The following GRID2IP variants were observed in gnomAD, a reference collection of about 807,000 sequenced individuals.
The protein encoded by GRID2IP is delphilin.
Under a neutral mutation model 114.3 loss-of-function variants are expected in GRID2IP, and 78 were observed. The ratio of observed to expected loss-of-function variants is 0.68; its 90% CI spans 0.57 to 0.82. The LOEUF (loss-of-function observed/expected upper bound fraction) is 0.82, where lower values mean the gene tolerates loss of function less well. Among genes scored for constraint, GRID2IP ranks in the 40% least tolerant of loss-of-function variants. The probability of loss-of-function intolerance (pLI) is 0.00; values close to 1 mark genes in which losing one functional copy is unlikely to be tolerated. For synonymous variants in GRID2IP, 809 were observed against 724.0 expected, an observed-to-expected ratio of 1.12 and a Z score of -1.89; for missense variants, 1,727 against 1,678.5, an observed-to-expected ratio of 1.03 and a Z score of -0.51.
At chr7:6,535,618 C>A (rs1779711814) in intron 2 of GRID2IP, among the ~76,000 whole-genome samples, 1 of 152,220 alleles carries the variant, frequency 6.6e-6, no homozygotes, top group African/African-American at 2.4e-5. Flanking sequence ...GTAATCCCAG[C>A]ACTTTGGGAG....
At position 6,501,833 on chromosome 7, in the gene GRID2IP, G is replaced by C; in HGVS notation, c.3347C>G (p.Ala1116Gly). The C allele has an allele frequency of 6.4e-7, 1 of 1,551,514 alleles. No homozygotes were observed. Among genetic ancestry groups the C allele is most frequent in the Non-Finnish European group, 8.7e-7 (1 of 1,146,972 alleles). Residue 1116 changes from alanine to glycine, a missense_variant, in exon 20 of 22, where the codon GCC (alanine) becomes GGC (glycine). Transcript: ENST00000457091. Reference protein sequence around the residue: ...LHGTISEIQDACQSISPSSED... With the variant: ...LHGTISEIQDGCQSISPSSED... ...GCTAGAGGGGGAAATGCTCTGGCAGGCATCCTGTATCTCGCTGATAGTGCC... is the reference window on the plus strand; with the variant it reads ...GCTAGAGGGGGAAATGCTCTGGCAGCCATCCTGTATCTCGCTGATAGTGCC...
rs1293547710 is a variant in GRID2IP, at chr7:6,535,042, C to T, written c.584+4676G>A. Among the ~76,000 whole-genome samples, 8 of 152,340 alleles carry T rather than the reference C, an allele frequency of 5.3e-5. No homozygotes were observed. In the South Asian group the frequency reaches 1.7e-3, roughly 32 times the overall value. ...CTGGGATTACAGGCATGCGCCACCA[C>T]CCCCAGCTAATTTTGTATTTTTAGT... On this transcript the variant is annotated intron_variant, in intron 2 of 21. Transcript: ENST00000457091.
At position 6,507,949 on chromosome 7, in the gene GRID2IP, C is replaced by T. The variant is rs1169958671; in HGVS notation, c.2544+36G>A. The T allele has an allele frequency of 6.5e-7, 1 of 1,547,640 alleles. No homozygotes were observed. ...GTGCTGCTGCCCAAGCCATCCTCCC[C>T]CAGTACAGAGCGCTGCTGGGTCCCA... On this transcript the variant is annotated intron_variant, in intron 13 of 21. Coordinates refer to ENST00000457091, the MANE Select transcript of GRID2IP (RefSeq NM_001145118.2). This position sits in a 1 kb window ranked among gnomAD's most constrained non-coding sequence, Gnocchi z 5.3.
intron 2 of GRID2IP, among the ~76,000 whole-genome samples, chr7:6,527,228 G>A (rs1012859295): frequency 5.3e-5 from 8 of 152,020 alleles, no homozygotes; most frequent in African/African-American, 1.9e-4. Context: ...CCCTCACCAC[G>A]CCTCCAGTCT....
In GRID2IP at chr7:6,520,453, C is replaced by T. The variant is rs1358002674; in HGVS notation, c.1268+125G>A. The T allele has an allele frequency of 8.8e-5, 99 of 1,123,766 alleles. 3 individuals are homozygous for T. In the South Asian group the frequency reaches 1.3e-3, roughly 14 times the overall value. The allele number at this position is 1,123,766 out of a possible 1,614,324, so 69.6% of individuals were successfully genotyped here. ...CTGGGGCCCCTGATACCAGCAGCCA[C>T]CTTCCTGAGCATCCCCCAGGAGAAC... is the stretch of plus-strand genomic sequence containing the variant. On this transcript the variant is annotated intron_variant, in intron 7 of 21. Transcript: ENST00000457091. The surrounding 1 kb of genome is among the most constrained non-coding windows in gnomAD (Gnocchi z 4.6).
rs1350213833 is a variant in GRID2IP at position 6,533,166 on chromosome 7, C to T, written c.585-6397G>A. ...ATCTAGGGGGTAGAGGCCTGGGATA[C>T]TGCTAAACATCCTCTAATGTGCAGG... On this transcript the variant is annotated intron_variant, in intron 2 of 21. Transcript: ENST00000457091. Among the ~76,000 whole-genome samples the T allele has an allele frequency of 3.3e-5, 5 of 152,130 alleles. No individual in the cohort carries two copies. The South Asian group carries it at 1.0e-3, about 31-fold the overall frequency.
chr7:6,513,060 G>A (rs1297593305), intron 8 of GRID2IP, among the ~76,000 whole-genome samples: 1 of 152,102 alleles, frequency 6.6e-6, no homozygotes, highest in Non-Finnish European at 1.5e-5. Flanking sequence ...GGGTTTGTGG[G>A]CATTCGGAGG....
intron 1 of GRID2IP, among the ~76,000 whole-genome samples, chr7:6,543,671 G>A (rs1251094249): frequency 2.0e-5 from 3 of 151,612 alleles, no homozygotes; most frequent in Non-Finnish European, 4.4e-5. Context: ...GTGCAGTGGT[G>A]CAATCATAGC....
At chr7:6,531,135 GA>G in intron 2 of GRID2IP, 1 of 522,210 alleles carries the variant, frequency 1.9e-6, no homozygotes, top group Non-Finnish European at 3.4e-6. Flanking sequence ...GGCAGGTGCC[GA>G]AGGGCAGGGG....
chr7:6,546,394 C>T (rs1302711781), intron 1 of GRID2IP, among the ~76,000 whole-genome samples: 1 of 151,206 alleles, frequency 6.6e-6, no homozygotes, highest in East Asian at 2.0e-4. Flanking sequence ...CAAGCCTGGC[C>T]TGTCTCTACT....
rs766023922 is a variant in GRID2IP at position 6,510,984 on chromosome 7, C to A, written c.1479G>T (p.Pro493=). 2 of 1,541,342 alleles carry A rather than the reference C, an allele frequency of 1.3e-6. No homozygotes were observed. Among genetic ancestry groups the A allele is most frequent in the Non-Finnish European group, 1.8e-6 (2 of 1,142,134 alleles). ...TGGAGGAAGCCCGCAGGGAGCTCCGCGGCTGGGGCTCAGGCGTGGGCTCGG... is the reference window on the plus strand; with the variant it reads ...TGGAGGAAGCCCGCAGGGAGCTCCGAGGCTGGGGCTCAGGCGTGGGCTCGG... The part of the protein sequence containing the change: ...LESEPTPEPQ[P]RSSLRASSMC... The change falls in exon 9 of 22, where the codon CCG becomes CCT. Residue 493 remains proline (P), a synonymous_variant. Coordinates refer to ENST00000457091, the MANE Select transcript of GRID2IP (RefSeq NM_001145118.2).
intron 2 of GRID2IP, among the ~76,000 whole-genome samples, chr7:6,530,810 T>C (rs1477009026): frequency 6.6e-6 from 1 of 152,168 alleles, no homozygotes; most frequent in Admixed American, 6.5e-5. Flanking sequence ...ATCCCAGCCT[T>C]TTATCCCAAC....
chr7:6,540,999 G>A (rs1310869528), intron 1 of GRID2IP, among the ~76,000 whole-genome samples: 2 of 151,890 alleles, frequency 1.3e-5, no homozygotes. Context: ...TACATGCTTG[G>A]CTAATCTGTT....
At chr7:6,517,926 A>ATAAC (rs1293719652) in intron 7 of GRID2IP, among the ~76,000 whole-genome samples, 2 of 151,566 alleles carry the variant, frequency 1.3e-5, no homozygotes, top group Non-Finnish European at 2.9e-5. Context: ...AAATAAATAA[A>ATAAC]TAAATAAAAT....
intron 20 of GRID2IP, among the ~76,000 whole-genome samples, chr7:6,500,770 T>C (rs1190132205): frequency 2.6e-5 from 4 of 152,212 alleles, no homozygotes; most frequent in Non-Finnish European, 5.9e-5. Flanking sequence ...CCAAGGGGTG[T>C]TGGAGCCAGA....
In GRID2IP at chr7:6,497,590, G is replaced by C. The variant is rs185894920; in HGVS notation, c.*184C>G. 87 of 534,334 alleles carry C rather than the reference G, an allele frequency of 1.6e-4. No individual in the cohort carries two copies. Among genetic ancestry groups the C allele is most frequent in the African/African-American group, 1.4e-3 (70 of 50,934 alleles). 33.1% of individuals were successfully genotyped at this position (534,334 alleles called of 1,614,324 possible). A position where few individuals can be genotyped will look rare whatever the true frequency, so the allele number is the denominator to read the frequency against. On this transcript the variant is annotated 3_prime_UTR_variant, in exon 22 of 22. Transcript: ENST00000457091. ...CTACAGCATCTGGCTCTGGGCCTGG[G>C]GGTAGGAACAAGGGCTGGCAGAGGA...
chr7:6,540,336 T>C (rs1017844523), intron 1 of GRID2IP, among the ~76,000 whole-genome samples: 2 of 151,764 alleles, frequency 1.3e-5, no homozygotes, highest in Admixed American at 6.6e-5. Flanking sequence ...AGTTTTGAAC[T>C]CCCAACCTCA....
In GRID2IP at chr7:6,520,731, G is replaced by C. The variant is rs1300291030; in HGVS notation, c.1115C>G (p.Ser372Trp). The change falls in exon 7 of 22, where the codon TCG (serine) becomes TGG (tryptophan). Residue 372 changes from serine (S) to tryptophan (W), a missense_variant. Ser to Trp is a radical substitution (Grantham distance 177). Transcript: ENST00000457091. This position sits in a 1 kb window ranked among gnomAD's most constrained non-coding sequence, Gnocchi z 4.6. ...DSDSLDSPNP[S>W]SALTSLQWVA... ...CCACTGCAGGGAGGTGAGCGCCGAC[G>C]ACGGGTTGGGTGAGTCCAGAGAATC... is the stretch of plus-strand genomic sequence containing the variant. 1.2e-5 allele frequency: 18 copies of C among 1,551,488 alleles called. No individual in the cohort carries two copies. The highest frequency in any genetic ancestry group is 2.6e-6 in the Non-Finnish European group (3 of 1,146,942).
rs1779976359 is a variant in GRID2IP, at chr7:6,551,277, C to G, written c.160G>C (p.Gly54Arg). 1.9e-6 allele frequency: 3 copies of G among 1,539,748 alleles called. No homozygotes were observed. Among genetic ancestry groups the G allele is most frequent in the African/African-American group, 2.7e-5 (2 of 72,932 alleles). Residue 54 changes from glycine to arginine, a missense_variant, in exon 1 of 22, where the codon GGG becomes CGG. Physicochemically the swap from Gly to Arg is moderately radical, Grantham distance 125. Coordinates refer to ENST00000457091, the MANE Select transcript of GRID2IP (RefSeq NM_001145118.2). ...RPGDQILEVEGLAVGGLSRER... is the reference protein window; with the variant it reads ...RPGDQILEVERLAVGGLSRER... ...CGGCTCAGACCGCCCACCGCCAGCC[C>G]CTCCACCTCCAGGATCTGGTCTCCT...
Sources: gnomAD v4.1 joint callset for allele counts (sites outside exome capture counted in the v4.1 genomes callset) on GRCh38, gnomAD v4.1.1 for gene constraint, Gnocchi (gnomAD v3.1) non-coding constraint, MANE v1.5 for transcripts, NCBI Gene and HGNC (gene_info 2026-07-23, HGNC 2026-07-21) for gene names.